The following LRRC75A variants were observed in gnomAD, a reference collection of about 807,000 sequenced individuals.
LRRC75A encodes leucine rich repeat containing 75A, also known as leucine-rich repeat-containing protein 75A.
LRRC75A carries 12 observed loss-of-function variants against 26.0 expected under a neutral mutation model. The ratio of observed to expected loss-of-function variants is 0.46; its 90% confidence interval spans 0.30 to 0.75. The LOEUF is 0.75. Among genes scored for constraint, LRRC75A ranks in the 30% least tolerant of loss-of-function variants. The pLI, the probability that LRRC75A is intolerant of heterozygous loss-of-function variation, is 0.08. For synonymous variants in LRRC75A, 223 were observed against 219.3 expected, an observed-to-expected ratio of 1.02 and a Z score of -0.15; for missense variants, 410 against 486.6, an observed-to-expected ratio of 0.84 and a Z score of 1.48.
intron 1 of LRRC75A, among the ~76,000 whole-genome samples, chr17:16,490,615 G>A (rs1400068666): frequency 6.6e-6 from 1 of 152,120 alleles, no homozygotes; most frequent in Non-Finnish European, 1.5e-5. Flanking sequence ...ATACAAAGGT[G>A]GGGAAGAGTG....
intron 1 of LRRC75A, among the ~76,000 whole-genome samples, chr17:16,476,951 G>T (rs1040234597): frequency 4.6e-5 from 7 of 151,158 alleles, no homozygotes; most frequent in African/African-American, 1.2e-4. Context: ...TGTTAGCCAG[G>T]ATGGTCTCAA....
At chr17:16,449,522 A>T (rs1298514815) in intron 2 of LRRC75A, among the ~76,000 whole-genome samples, 1 of 152,232 alleles carries the variant, frequency 6.6e-6, no homozygotes, top group Non-Finnish European at 1.5e-5. Context: ...CTAAGTGAAT[A>T]CCGTGATAGC....
chr17:16,444,524 TG>T (rs2093564049), intron 3 of LRRC75A, among the ~76,000 whole-genome samples: 1 of 152,198 alleles, frequency 6.6e-6, no homozygotes, highest in Non-Finnish European at 1.5e-5. Context: ...TCTACCACCC[TG>T]GGGTGGCAGC....
chr17:16,481,811 A>G (rs1007327128), intron 1 of LRRC75A, among the ~76,000 whole-genome samples: 22 of 152,152 alleles, frequency 1.4e-4, no homozygotes, highest in Admixed American at 5.2e-4. Context: ...GGAAATCAGA[A>G]ACAGAGGTTT....
chr17:16,459,785 G>A (rs557758561), intron 2 of LRRC75A, among the ~76,000 whole-genome samples: 1 of 152,308 alleles, frequency 6.6e-6, no homozygotes, highest in African/African-American at 2.4e-5. Context: ...TGGAGGGGCT[G>A]CTCCTACCAC....
intron 1 of LRRC75A, among the ~76,000 whole-genome samples, chr17:16,482,906 C>T (rs1476919301): frequency 2.0e-5 from 3 of 152,208 alleles, no homozygotes; most frequent in Non-Finnish European, 4.4e-5. Flanking sequence ...AGGGTTCTTG[C>T]CCTCTGAAGG....
intron 1 of LRRC75A, among the ~76,000 whole-genome samples, chr17:16,470,973 A>G (rs1202201628): frequency 3.9e-5 from 6 of 152,174 alleles, no homozygotes; most frequent in Admixed American, 3.9e-4. Context: ...GCACCTAATG[A>G]GAGAAACAGA....
At chr17:16,482,234 C>G (rs1475256421) in intron 1 of LRRC75A, among the ~76,000 whole-genome samples, 1 of 152,190 alleles carries the variant, frequency 6.6e-6, no homozygotes, top group East Asian at 1.9e-4. Context: ...ACTTCCCAGG[C>G]TGCAAGTGCT....
intron 2 of LRRC75A, among the ~76,000 whole-genome samples, chr17:16,454,778 T>TG (rs1166813254): frequency 1.3e-5 from 2 of 152,016 alleles, no homozygotes; most frequent in East Asian, 1.9e-4. Context: ...CCCTGGGGTT[T>TG]GGGGTCTTCA....
intron 2 of LRRC75A, among the ~76,000 whole-genome samples, chr17:16,448,968 C>G (rs2093609102): frequency 6.6e-6 from 1 of 152,198 alleles, no homozygotes; most frequent in African/African-American, 2.4e-5. Context: ...AACTACATCC[C>G]TAGGAAAGTC....
At chr17:16,459,664 C>T (rs11078344) in intron 2 of LRRC75A, among the ~76,000 whole-genome samples, 29,457 of 152,180 alleles carry the variant, frequency 0.19, 3,541 homozygotes, top group Middle Eastern at 0.29. Context: ...ACGAGCTCTC[C>T]GGTCTTGACA....
At chr17:16,471,596 A>T (rs1193599165) in intron 1 of LRRC75A, among the ~76,000 whole-genome samples, 1 of 152,170 alleles carries the variant, frequency 6.6e-6, no homozygotes, top group Non-Finnish European at 1.5e-5. Flanking sequence ...ACCAGCCCTG[A>T]AGCCTCTGTG....
At chr17:16,452,736 A>C (rs897478333) in intron 2 of LRRC75A, among the ~76,000 whole-genome samples, 1 of 151,948 alleles carries the variant, frequency 6.6e-6, no homozygotes, top group Non-Finnish European at 1.5e-5. Flanking sequence ...GCCTGGCCAC[A>C]CGGGGATTTT....
At chr17:16,476,690 C>T (rs2093820436) in intron 1 of LRRC75A, among the ~76,000 whole-genome samples, 1 of 146,516 alleles carries the variant, frequency 6.8e-6, no homozygotes, top group African/African-American at 2.5e-5. Flanking sequence ...CTCAGTCTTT[C>T]GAGTAGCTGA....
intron 2 of LRRC75A, among the ~76,000 whole-genome samples, chr17:16,460,286 C>T (rs1056535068): frequency 6.6e-6 from 1 of 152,218 alleles, no homozygotes; most frequent in African/African-American, 2.4e-5. Flanking sequence ...TAATTTGTTA[C>T]AGCCACCTGA....
chr17:16,492,161 G>A lies in LRRC75A; in HGVS notation c.-171C>T, dbSNP rs992177392. 1,193 of 405,490 alleles carry A rather than the reference G, an allele frequency of 2.9e-3. 4 individuals are homozygous for A. Among genetic ancestry groups the A allele is most frequent in the Non-Finnish European group, 3.5e-3 (1,070 of 301,858 alleles). The allele number at this position is 405,490 out of a possible 1,614,324, so 25.1% of individuals were successfully genotyped here. Reference sequence around the variant, plus strand: ...GGGCGGGCGGCTGTCGGCGCTCCCCGCGCTCCTCCCTCTTGGCTACCCGGG... The same window carrying A: ...GGGCGGGCGGCTGTCGGCGCTCCCCACGCTCCTCCCTCTTGGCTACCCGGG... On this transcript the variant is annotated 5_prime_UTR_variant, in exon 1 of 4. Coordinates refer to ENST00000470794, the MANE Select transcript of LRRC75A (RefSeq NM_001113567.3).
chr17:16,458,250 C>T (rs1260124880), intron 2 of LRRC75A, among the ~76,000 whole-genome samples: 3 of 150,868 alleles, frequency 2.0e-5, no homozygotes, highest in East Asian at 2.0e-4. Context: ...GAGGTTGCAG[C>T]GAGTCGAGAT....
chr17:16,478,334 C>G (rs1037862253), intron 1 of LRRC75A: 2 of 151,948 alleles, frequency 1.3e-5, no homozygotes, highest in Non-Finnish European at 2.9e-5. Flanking sequence ...ATTAGGCACA[C>G]ACTACCACGC....
chr17:16,486,377 C>T (rs372594834), intron 1 of LRRC75A, among the ~76,000 whole-genome samples: 1 of 152,296 alleles, frequency 6.6e-6, no homozygotes, highest in South Asian at 2.1e-4. Flanking sequence ...ACAGCCCCTG[C>T]GGTCGTGCTT....
Sources: allele counts gnomAD v4.1 joint callset (sites outside exome capture counted in the v4.1 genomes callset), GRCh38; gene constraint gnomAD v4.1.1; transcripts MANE v1.5; gene names NCBI Gene and HGNC (gene_info 2026-07-23, HGNC 2026-07-21).